Variants in EYS observed in about 807,000 individuals in gnomAD.
EYS encodes the protein EGF-like photoreceptor maintenance factor, also known as protein eyes shut homolog.
A neutral mutation model predicts 282.1 loss-of-function variants in EYS; 250 were observed. That is an observed-to-expected ratio of 0.89 (90% CI 0.80 to 0.98). The LOEUF is 0.98. EYS is among the 50% of genes least tolerant of loss of function. The pLI is 0.00. For synonymous variants in EYS, 1,355 were observed against 1,282.9 expected (o/e 1.06, Z -1.20); for missense variants, 4,016 against 3,709.0 (o/e 1.08, Z -2.15).
At chr6:65,094,273 G>A (rs191354261) in intron 12 of EYS, among the ~76,000 whole-genome samples, 1 of 137,378 alleles carries the variant, frequency 7.3e-6, no homozygotes, top group Admixed American at 7.5e-5. Flanking sequence ...ATCACAGCAG[G>A]AGATTTTAAT....
At chr6:64,134,219 C>A (rs1296187672) in intron 31 of EYS, among the ~76,000 whole-genome samples, 3 of 151,732 alleles carry the variant, frequency 2.0e-5, no homozygotes, top group Non-Finnish European at 4.4e-5. Flanking sequence ...CAGTTTTAAG[C>A]CAAGGAATGA....
chr6:63,962,715 TC>T (rs1468588798), intron 35 of EYS, among the ~76,000 whole-genome samples: 1 of 152,144 alleles, frequency 6.6e-6, no homozygotes, highest in Non-Finnish European at 1.5e-5. Flanking sequence ...TCCTCAGGGA[TC>T]TAGAACTAGA....
chr6:65,195,769 G>T (rs73441344), intron 12 of EYS, among the ~76,000 whole-genome samples: 5,968 of 152,102 alleles, frequency 0.039, 178 homozygotes, highest in African/African-American at 0.08. Flanking sequence ...TCATGCCCAA[G>T]CTGGCATAGA....
At chr6:63,727,727 A>ATATAT (rs1253035778) in intron 41 of EYS, among the ~76,000 whole-genome samples, 9 of 61,672 alleles carry the variant, frequency 1.5e-4, no homozygotes, top group African/African-American at 1.0e-3. Flanking sequence ...AAAAAAAAAA[A>ATATAT]AAAAAAAAAA....
chr6:65,514,322 T>C (rs1311454937), intron 2 of EYS, among the ~76,000 whole-genome samples: 3 of 151,968 alleles, frequency 2.0e-5, no homozygotes, highest in Non-Finnish European at 4.4e-5. Context: ...ATTCCATGTT[T>C]ATGGGTAGGA....
At chr6:65,055,447 A>G (rs990383746) in intron 13 of EYS, among the ~76,000 whole-genome samples, 1 of 152,112 alleles carries the variant, frequency 6.6e-6, no homozygotes, top group Admixed American at 6.6e-5. Flanking sequence ...CTATGCTACT[A>G]TGGTACATTT....
chr6:64,170,088 G>T (rs1167208452), intron 31 of EYS, among the ~76,000 whole-genome samples: 1 of 152,050 alleles, frequency 6.6e-6, no homozygotes, highest in Non-Finnish European at 1.5e-5. Flanking sequence ...CGAACAGCTG[G>T]GAGAGACAGA....
At chr6:64,103,662 C>A (rs577956271) in intron 31 of EYS, among the ~76,000 whole-genome samples, 2 of 152,236 alleles carry the variant, frequency 1.3e-5, no homozygotes, top group Admixed American at 1.3e-4. Context: ...TTTCATTCTG[C>A]AGTCAGGAAC....
At chr6:64,309,669 A>G (rs2150377471) in intron 29 of EYS, among the ~76,000 whole-genome samples, 1 of 152,184 alleles carries the variant, frequency 6.6e-6, no homozygotes, top group East Asian at 1.9e-4. Flanking sequence ...AAAATCATGT[A>G]AAAAAACAAA....
At chr6:64,596,787 A>AT (rs1351166204) in intron 24 of EYS, among the ~76,000 whole-genome samples, 2 of 152,228 alleles carry the variant, frequency 1.3e-5, no homozygotes, top group Admixed American at 6.5e-5. Context: ...GCCTCAGGAC[A>AT]TTGGTATAGG....
intron 30 of EYS, among the ~76,000 whole-genome samples, chr6:64,302,211 T>G (rs1180370964): frequency 6.6e-6 from 1 of 152,272 alleles, no homozygotes; most frequent in East Asian, 1.9e-4. Flanking sequence ...ACATCAATTC[T>G]TCCACCAAAA....
At chr6:64,393,055 C>G (rs1257007290) in intron 28 of EYS, among the ~76,000 whole-genome samples, 2 of 152,180 alleles carry the variant, frequency 1.3e-5, no homozygotes, top group Non-Finnish European at 2.9e-5. Context: ...TTCCTCGACA[C>G]ATACACTCTC....
At chr6:65,081,138 A>G (rs1409186069) in intron 12 of EYS, among the ~76,000 whole-genome samples, 1 of 152,132 alleles carries the variant, frequency 6.6e-6, no homozygotes, top group Non-Finnish European at 1.5e-5. Flanking sequence ...TGGTGAATAC[A>G]TATTTTTTCT....
At chr6:65,243,823 C>G (rs757329800) in intron 12 of EYS, among the ~76,000 whole-genome samples, 2 of 152,174 alleles carry the variant, frequency 1.3e-5, no homozygotes, top group African/African-American at 2.4e-5. Context: ...GCAGGAGCAT[C>G]ACTTGAGTCC....
At chr6:65,456,312 C>T (rs1291487588) in intron 5 of EYS, among the ~76,000 whole-genome samples, 2 of 151,592 alleles carry the variant, frequency 1.3e-5, no homozygotes, top group African/African-American at 2.4e-5. Context: ...ATTAGCTGGG[C>T]GTGGTGGAGT....
At chr6:64,104,308 G>A (rs1772930812) in intron 31 of EYS, among the ~76,000 whole-genome samples, 1 of 152,030 alleles carries the variant, frequency 6.6e-6, no homozygotes, top group African/African-American at 2.4e-5. Flanking sequence ...GAAATCTGAT[G>A]GAGGGAGAAC....
At chr6:64,649,811 T>A (rs1028221312) in intron 22 of EYS, among the ~76,000 whole-genome samples, 2 of 152,114 alleles carry the variant, frequency 1.3e-5, no homozygotes, top group African/African-American at 2.4e-5. Context: ...GAACAAAAAA[T>A]TAGGATTTTT....
chr6:65,573,999 C>T (rs1764570293), intron 2 of EYS, among the ~76,000 whole-genome samples: 1 of 152,174 alleles, frequency 6.6e-6, no homozygotes, highest in African/African-American at 2.4e-5. Flanking sequence ...TCATTCTTGG[C>T]ACTCTGGCTA....
At chr6:64,056,385 C>T (rs1770985753) in intron 33 of EYS, among the ~76,000 whole-genome samples, 1 of 152,160 alleles carries the variant, frequency 6.6e-6, no homozygotes, top group South Asian at 2.1e-4. Flanking sequence ...ATCAGATTCG[C>T]CTGTTGGTGA....
Sources: allele counts gnomAD v4.1 joint callset (sites outside exome capture counted in the v4.1 genomes callset), GRCh38; gene constraint gnomAD v4.1.1; transcripts MANE v1.5; gene names NCBI Gene and HGNC (gene_info 2026-07-23, HGNC 2026-07-21).